The following ABCA12 variants were observed in gnomAD, a reference collection of about 807,000 sequenced individuals.
ABCA12 encodes the protein glucosylceramide transporter ABCA12.
A neutral mutation model predicts 293.5 loss-of-function variants in ABCA12; 156 were observed. The observed-to-expected ratio is 0.53, with a 90% CI of 0.47 to 0.61. The LOEUF (loss-of-function observed/expected upper bound fraction) is 0.61. Among genes scored for constraint, ABCA12 ranks in the 20% least tolerant of loss-of-function variants. The pLI is 0.00. For synonymous variants in ABCA12, 1,063 were observed against 1,108.0 expected, an observed-to-expected ratio of 0.96 and a Z score of 0.81; for missense variants, 2,797 against 3,090.2, an observed-to-expected ratio of 0.91 and a Z score of 2.25.
rs1470383878 is a variant in ABCA12, at chr2:214,983,722, T to C, written c.4307A>G (p.Lys1436Arg). Reference sequence around the variant, plus strand: ...GGAACCATATAGGAGAAGGTGCTCCTTAGTAGTGAGGTAACTGAACAAGAC... The same window carrying C: ...GGAACCATATAGGAGAAGGTGCTCCCTAGTAGTGAGGTAACTGAACAAGAC... ...HDVLFSYLTTKEHLLLYGSIK... is the reference protein window; with the variant it reads ...HDVLFSYLTTREHLLLYGSIK... The change falls in exon 29 of 53, where the codon AAG (lysine) becomes AGG (arginine). Residue 1436 changes from lysine (K) to arginine (R), a missense_variant. Transcript: ENST00000272895. 6.2e-7 allele frequency: 1 copy of C among 1,614,104 alleles called. No homozygotes were observed. Among genetic ancestry groups the C allele is most frequent in the South Asian group, 1.1e-5 (1 of 91,084 alleles).
intron 2 of ABCA12, among the ~76,000 whole-genome samples, chr2:215,103,609 C>G (rs1702404255): frequency 6.6e-6 from 1 of 151,952 alleles, no homozygotes; most frequent in Non-Finnish European, 1.5e-5. Context: ...TCAGTTTCCT[C>G]ATCTGACAAA....
intron 1 of ABCA12, among the ~76,000 whole-genome samples, chr2:215,126,346 A>G (rs1376435616): frequency 1.3e-5 from 2 of 151,954 alleles, no homozygotes; most frequent in African/African-American, 4.8e-5. Context: ...TTCTTTCTCT[A>G]TCTTGTGGAA....
At position 214,989,593 on chromosome 2, in the gene ABCA12, T is replaced by G; in HGVS notation, c.3653A>C (p.Tyr1218Ser). ...GTATCGTGCAATGTATTGGCTTGCA[T>G]AGCTGAATGCTGTTGGGGACAGCAG... The part of the protein sequence containing the change: ...MSLLSPTAFS[Y>S]ASQYIARYEE... Residue 1218 changes from tyrosine (Y) to serine (S), a missense_variant, in exon 25 of 53, where the codon TAT becomes TCT. Tyr to Ser is a moderately radical substitution (Grantham distance 144, BLOSUM62 -2). Coordinates refer to ENST00000272895, the MANE Select transcript of ABCA12 (RefSeq NM_173076.3). 1.9e-6 allele frequency: 3 copies of G among 1,614,090 alleles called. No homozygotes were observed. Among genetic ancestry groups the G allele is most frequent in the Non-Finnish European group, 2.5e-6 (3 of 1,179,990 alleles).
intron 37 of ABCA12, among the ~76,000 whole-genome samples, chr2:214,969,952 A>G (rs3795857): frequency 0.5 from 76,245 of 151,728 alleles, 19,380 homozygotes; most frequent in Admixed American, 0.54. Flanking sequence ...GCCAATTGTC[A>G]TCAAAAGTCA....
intron 14 of ABCA12, among the ~76,000 whole-genome samples, chr2:215,017,307 C>T (rs929774446): frequency 9.2e-5 from 14 of 152,260 alleles, no homozygotes; most frequent in Non-Finnish European, 1.5e-4. Flanking sequence ...AGACAATGGA[C>T]TTGGAAAAAG....
intron 9 of ABCA12, among the ~76,000 whole-genome samples, chr2:215,028,237 A>G (rs1353747424): frequency 6.6e-6 from 1 of 152,180 alleles, no homozygotes; most frequent in Non-Finnish European, 1.5e-5. Context: ...GCAGGAAAAT[A>G]TTTTCATCAA....
In ABCA12 at chr2:215,064,239, C is replaced by T. The variant is rs1223002284; in HGVS notation, c.164-20G>A. ...GGTAACCTAAAATTAAAAAAACAGT[C>T]ATTACATCAGTATGGCACATTTGTC... On this transcript the variant is annotated intron_variant, in intron 2 of 52. Transcript: ENST00000272895. 1 of 1,610,888 alleles carries T rather than the reference C, an allele frequency of 6.2e-7. No individual in the cohort carries two copies. Among genetic ancestry groups the T allele is most frequent in the South Asian group, 1.1e-5 (1 of 91,002 alleles).
chr2:215,040,049 A>C (rs1039574171), intron 7 of ABCA12, among the ~76,000 whole-genome samples: 1 of 152,188 alleles, frequency 6.6e-6, no homozygotes, highest in African/African-American at 2.4e-5. Flanking sequence ...ACATACTAAA[A>C]AGTATTACAA....
chr2:214,974,088 T>C (rs2105956212), intron 35 of ABCA12, 46 bp from the exon 36 acceptor site: 1 of 1,501,578 alleles, frequency 6.7e-7, no homozygotes, highest in East Asian at 2.3e-5. Context: ...TGTATATGTG[T>C]TCTCATGTTT....
At position 214,978,471 on chromosome 2, in the gene ABCA12, A is replaced by G. The variant is rs773069123; in HGVS notation, c.4978-5T>C. On this transcript the variant is annotated splice_region_variant and splice_polypyrimidine_tract_variant and intron_variant, in intron 32 of 52. Transcript: ENST00000272895. ...TTTGGTCAAGTTCAGAAAGACCTAG[A>G]AAGAGAAGCCAGATCACTTCATTAA... The G allele has an allele frequency of 1.2e-6, 2 of 1,613,154 alleles. No homozygotes were observed. Among genetic ancestry groups the G allele is most frequent in the East Asian group, 4.5e-5 (2 of 44,816 alleles).
chr2:215,060,580 C>G (rs903649010), intron 3 of ABCA12, among the ~76,000 whole-genome samples: 1 of 151,976 alleles, frequency 6.6e-6, no homozygotes, highest in Non-Finnish European at 1.5e-5. Context: ...CTCTTAAATT[C>G]TTATTGCCCT....
intron 2 of ABCA12, among the ~76,000 whole-genome samples, chr2:215,105,378 G>A (rs980294143): frequency 2.6e-5 from 4 of 152,058 alleles, no homozygotes; most frequent in South Asian, 2.1e-4. Context: ...AGAATGAGAC[G>A]TGTGGAGGAC....
intron 1 of ABCA12, among the ~76,000 whole-genome samples, chr2:215,122,886 G>A (rs73076526): frequency 0.048 from 7,292 of 152,040 alleles, 575 homozygotes; most frequent in African/African-American, 0.17. Flanking sequence ...TAGTGTGCCC[G>A]TCACCAAAAT....
chr2:214,977,697 T>C (rs537831509), intron 33 of ABCA12, among the ~76,000 whole-genome samples: 5 of 152,232 alleles, frequency 3.3e-5, no homozygotes, highest in African/African-American at 1.2e-4. Flanking sequence ...TTTAAGCATA[T>C]CCTATGTTAA....
intron 2 of ABCA12, among the ~76,000 whole-genome samples, chr2:215,103,162 TG>T (rs1702391526): frequency 6.6e-6 from 1 of 152,130 alleles, no homozygotes; most frequent in Non-Finnish European, 1.5e-5. Flanking sequence ...TGAGGGCTCA[TG>T]GCTTTCTTAA....
chr2:214,970,053 A>C (rs1411634188), intron 37 of ABCA12, among the ~76,000 whole-genome samples: 1 of 152,096 alleles, frequency 6.6e-6, no homozygotes, highest in African/African-American at 2.4e-5. Flanking sequence ...TTAACAGTAC[A>C]TTTTTGAGGC....
At chr2:214,952,384 C>A (rs916165038) in intron 44 of ABCA12, among the ~76,000 whole-genome samples, 2 of 152,072 alleles carry the variant, frequency 1.3e-5, no homozygotes, top group African/African-American at 4.8e-5. Context: ...TCACGTCCAG[C>A]TAGTTTTTGT....
At chr2:215,037,156 T>C (rs1285595116) in intron 7 of ABCA12, 91 bp from the exon 8 acceptor site, 3 of 928,082 alleles carry the variant, frequency 3.2e-6, no homozygotes, top group East Asian at 2.7e-5. Context: ...GGCTACAGTA[T>C]AAATTATTCT....
chr2:215,041,025 TA>T (rs1701089339), intron 7 of ABCA12, among the ~76,000 whole-genome samples: 1 of 152,096 alleles, frequency 6.6e-6, no homozygotes, highest in South Asian at 2.1e-4. Flanking sequence ...TAAATAAAAG[TA>T]TATTAAATAC....
Sources: gnomAD v4.1 joint callset for allele counts (sites outside exome capture counted in the v4.1 genomes callset) on GRCh38, gnomAD v4.1.1 for gene constraint, MANE v1.5 for transcripts, NCBI Gene and HGNC (gene_info 2026-07-23, HGNC 2026-07-21) for gene names.